RNF169: variants seen among roughly 807,000 people sequenced by gnomAD.
RNF169 encodes E3 ubiquitin-protein ligase RNF169.
A neutral mutation model predicts 53.9 loss-of-function variants in RNF169; 24 were observed. The observed-to-expected ratio is 0.45, with a 90% CI of 0.32 to 0.63. The LOEUF (loss-of-function observed/expected upper bound fraction) is 0.63. RNF169 is among the 20% of genes least tolerant of loss of function. The probability of loss-of-function intolerance (pLI) is 0.04; values close to 1 mark genes in which losing one functional copy is unlikely to be tolerated. For synonymous variants in RNF169, 396 were observed against 363.5 expected, an observed-to-expected ratio of 1.09 and a Z score of -1.02; for missense variants, 883 against 906.2, an observed-to-expected ratio of 0.97 and a Z score of 0.33.
At chr11:74,758,478 G>A (rs1234962825) in intron 1 of RNF169, among the ~76,000 whole-genome samples, 2 of 150,730 alleles carry the variant, frequency 1.3e-5, no homozygotes, top group Admixed American at 6.6e-5. Flanking sequence ...ACTTGGCGAT[G>A]CGGGCTCTTT....
intron 1 of RNF169, among the ~76,000 whole-genome samples, chr11:74,763,514 T>C (rs191087422): frequency 1.2e-4 from 18 of 152,116 alleles, no homozygotes; most frequent in Admixed American, 9.2e-4. Context: ...ACACACACAT[T>C]TGAAAAAGAA....
intron 1 of RNF169, among the ~76,000 whole-genome samples, chr11:74,764,618 A>G (rs1457237817): frequency 6.6e-6 from 1 of 152,242 alleles, no homozygotes; most frequent in Non-Finnish European, 1.5e-5. Context: ...AACCTAAAGC[A>G]TATAGTGCAG....
intron 1 of RNF169, among the ~76,000 whole-genome samples, chr11:74,768,677 C>G (rs1282534121): frequency 1.3e-5 from 2 of 151,352 alleles, no homozygotes; most frequent in Non-Finnish European, 2.9e-5. Context: ...CTAGGACTAT[C>G]TCTATGAAAA....
intron 1 of RNF169, among the ~76,000 whole-genome samples, chr11:74,774,966 T>G (rs2035311658): frequency 6.6e-6 from 1 of 152,050 alleles, no homozygotes; most frequent in Admixed American, 6.6e-5. Context: ...AGAGTGAGAC[T>G]CCATCTCAAA....
intron 1 of RNF169, among the ~76,000 whole-genome samples, chr11:74,772,265 C>T (rs1351281565): frequency 6.6e-6 from 1 of 152,176 alleles, no homozygotes; most frequent in African/African-American, 2.4e-5. Flanking sequence ...ATTTGAATCT[C>T]AGTTCTGCCA....
At position 74,791,008 on chromosome 11, in the gene RNF169, C is replaced by G. The variant is rs371184732; in HGVS notation, c.576+1309C>G. ...ATTCGGCGGGTCCCAAGTTCTTGTCCTGTGTCCAGAAAGAAAGAGGTACGT... is the reference window on the plus strand; with the variant it reads ...ATTCGGCGGGTCCCAAGTTCTTGTCGTGTGTCCAGAAAGAAAGAGGTACGT... On this transcript the variant is annotated intron_variant, in intron 2 of 5. Transcript: ENST00000299563. 1.4e-3 allele frequency among the ~76,000 whole-genome samples: 209 copies of G among 152,336 alleles called. 4 individuals carry two copies. The South Asian group carries it at 0.042, about 31-fold the overall frequency.
At chr11:74,799,350 A>T (rs1331963634) in intron 2 of RNF169, among the ~76,000 whole-genome samples, 1 of 152,186 alleles carries the variant, frequency 6.6e-6, no homozygotes, top group South Asian at 2.1e-4. Flanking sequence ...ATCCAAGAAC[A>T]TTAGATATGG....
chr11:74,761,735 C>T (rs538606972), intron 1 of RNF169, among the ~76,000 whole-genome samples: 1 of 151,812 alleles, frequency 6.6e-6, no homozygotes, highest in Non-Finnish European at 1.5e-5. Flanking sequence ...CTGCCCTTAA[C>T]ATTTTTTCCT....
At position 74,748,922 on chromosome 11, in the gene RNF169, GGCA is replaced by G; in HGVS notation, c.48_50del (p.Ala18del). 1 of 1,448,434 alleles carries G rather than the reference GGCA, an allele frequency of 6.9e-7. No individual in the cohort carries two copies. The highest frequency in any genetic ancestry group is 9.2e-7 in the Non-Finnish European group (1 of 1,090,632). 89.7% of individuals were successfully genotyped at this position (1,448,434 alleles called of 1,614,324 possible). On this transcript the variant is annotated inframe_deletion, in exon 1 of 6. Coordinates refer to ENST00000299563, the MANE Select transcript of RNF169 (RefSeq NM_001098638.2). ...CGAGTACTCGGGCCTCTTCCGCGGC[GGCA>G]GCAGCCGCTCTGAGTCGGCGGGGCC... is the stretch of plus-strand genomic sequence containing the variant.
intron 1 of RNF169, among the ~76,000 whole-genome samples, chr11:74,751,080 A>G (rs955689697): frequency 8.6e-5 from 13 of 151,942 alleles, no homozygotes; most frequent in African/African-American, 2.9e-4. Context: ...CATGTTGGCC[A>G]GACTGGTTTC....
chr11:74,799,027 C>G (rs2035691002), intron 2 of RNF169, among the ~76,000 whole-genome samples: 1 of 148,980 alleles, frequency 6.7e-6, no homozygotes, highest in African/African-American at 2.5e-5. Flanking sequence ...GCCCTCCCAC[C>G]TTAGCAACAG....
intron 4 of RNF169, among the ~76,000 whole-genome samples, chr11:74,833,803 G>A (rs2135152044): frequency 6.6e-6 from 1 of 152,294 alleles, no homozygotes; most frequent in South Asian, 2.1e-4. Context: ...TCTGGGGCAG[G>A]TGACAGTCAT....
intron 1 of RNF169, among the ~76,000 whole-genome samples, chr11:74,762,412 G>T (rs990489196): frequency 1.3e-5 from 2 of 152,176 alleles, no homozygotes; most frequent in African/African-American, 4.8e-5. Flanking sequence ...TTTCTATTGT[G>T]TTTTTTCCCC....
intron 1 of RNF169, among the ~76,000 whole-genome samples, chr11:74,768,349 G>A (rs2135321938): frequency 6.6e-6 from 1 of 151,850 alleles, no homozygotes; most frequent in East Asian, 2.0e-4. Flanking sequence ...GCTCACGCCT[G>A]TAATCCCAGC....
In RNF169 at chr11:74,749,223, C is replaced by T. The variant is rs1378806935; in HGVS notation, c.343C>T (p.Arg115Cys). The stretch of plus-strand genomic sequence containing the variant: ...CCGCGCCCGCGGCCCAGGCTGGGCC[C>T]GCCGTCGGGCCCGCGACGACGGCCA... The part of the protein sequence containing the change: ...RCRARGPGWA[R>C]RRARDDGQAD... The change falls in exon 1 of 6, where the codon CGC becomes TGC. Residue 115 changes from arginine to cysteine, a missense_variant. Arg to Cys is a radical substitution (Grantham distance 180). Around this residue, in one of 3 missense-constraint regions of RNF169, gnomAD observed 313 missense variants for 279.9 expected, o/e 1.12. Coordinates refer to ENST00000299563, the MANE Select transcript of RNF169 (RefSeq NM_001098638.2). 6 of 1,079,210 alleles carry T rather than the reference C, an allele frequency of 5.6e-6. No homozygotes were observed. Among genetic ancestry groups the T allele is most frequent in the African/African-American group, 3.4e-5 (2 of 59,074 alleles). The allele number at this position is 1,079,210 out of a possible 1,614,324, so 66.9% of individuals were successfully genotyped here.
rs1325125841 is a variant in RNF169 at position 74,837,709 on chromosome 11, CTAAAATCCTA to C, written c.*980_*989del. 6.6e-6 allele frequency: 1 copy of C among 152,210 alleles called. No homozygotes were observed. The highest frequency in any genetic ancestry group is 1.5e-5 in the Non-Finnish European group (1 of 68,034). 9.4% of individuals were successfully genotyped at this position (152,210 alleles called of 1,614,324 possible). Reference sequence around the variant, plus strand: ...GCCAAGGGTTATCTGCAATGTTGATCTAAAATCCTAAAAAATCACCCTGAAGTCAGGCAAG... The same window carrying C: ...GCCAAGGGTTATCTGCAATGTTGATCAAAAATCACCCTGAAGTCAGGCAAG... On this transcript the variant is annotated 3_prime_UTR_variant, in exon 6 of 6. Coordinates refer to ENST00000299563, the MANE Select transcript of RNF169 (RefSeq NM_001098638.2).
chr11:74,764,440 C>T (rs986009346), intron 1 of RNF169, among the ~76,000 whole-genome samples: 2 of 152,108 alleles, frequency 1.3e-5, no homozygotes, highest in African/African-American at 2.4e-5. Context: ...GCAGGAGAAT[C>T]GCTGAACCCA....
rs1395304026 is a variant in RNF169, at chr11:74,750,019, G to A, written c.502+637G>A. Among the ~76,000 whole-genome samples the A allele has an allele frequency of 2.6e-5, 4 of 152,178 alleles. No individual in the cohort carries two copies. In the East Asian group the frequency reaches 7.7e-4, roughly 29 times the overall value. Reference sequence around the variant, plus strand: ...CTACTAAGTCCAGTAGTGCCTGACAGAAAAGCTGGCTTGGGTTTAAAAGTT... The same window carrying A: ...CTACTAAGTCCAGTAGTGCCTGACAAAAAAGCTGGCTTGGGTTTAAAAGTT... On this transcript the variant is annotated intron_variant, in intron 1 of 5. Transcript: ENST00000299563.
chr11:74,760,473 C>G (rs1247072937), intron 1 of RNF169, among the ~76,000 whole-genome samples: 2 of 152,138 alleles, frequency 1.3e-5, no homozygotes, highest in Middle Eastern at 3.2e-3. Context: ...CCTCTACAAA[C>G]TGCTTTGAAT....
Sources: allele counts gnomAD v4.1 joint callset (sites outside exome capture counted in the v4.1 genomes callset), GRCh38; gene constraint gnomAD v4.1.1; regional missense constraint gnomAD v4.1.1; transcripts MANE v1.5; gene names NCBI Gene and HGNC (gene_info 2026-07-23, HGNC 2026-07-21).